RSF1: variants seen among roughly 807,000 people sequenced by gnomAD.
The protein encoded by RSF1 is remodeling and spacing factor 1, also known as HBV pX-associated protein 8.
RSF1 carries 13 observed loss-of-function variants against 145.2 expected under a neutral mutation model. That is an observed-to-expected ratio of 0.09 (90% CI 0.06 to 0.14). The LOEUF (loss-of-function observed/expected upper bound fraction) is 0.14. RSF1 is among the 10% of genes least tolerant of loss of function. RSF1 has a pLI of 1.00. For missense variants in RSF1, 1,517 were observed against 1,718.2 expected (o/e 0.88, Z 2.07); for synonymous variants, 577 against 592.6 (o/e 0.97, Z 0.38).
At chr11:77,828,331 A>G in the RSF1 span, among the ~76,000 whole-genome samples, 1 of 152,120 alleles carries the variant, frequency 6.6e-6, no homozygotes, top group Non-Finnish European at 1.5e-5. Flanking sequence ...CATTTACAAT[A>G]GAATCAGAAA....
At chr11:77,721,735 AG>A (rs1255325780) in intron 5 of RSF1, among the ~76,000 whole-genome samples, 1 of 152,234 alleles carries the variant, frequency 6.6e-6, no homozygotes, top group Non-Finnish European at 1.5e-5. Context: ...GCTTTACAAA[AG>A]CAAGGATTTT....
rs1382951263 is a variant in RSF1 at position 77,806,325 on chromosome 11, A to T, written c.187+14203T>A. Among the ~76,000 whole-genome samples, 9 of 152,292 alleles carry T rather than the reference A, an allele frequency of 5.9e-5. No homozygotes were observed. In the South Asian group the frequency reaches 1.5e-3, roughly 25 times the overall value. On this transcript the variant is annotated intron_variant, in intron 1 of 15. Transcript: ENST00000308488. ...AAATTGAATTTTTAACTATACTCAG[A>T]GGATTCAAATAAAAAGTAATAAGCT...
chr11:77,764,756 A>G, intron 1 of RSF1, 67 bp from the exon 2 acceptor site: 4 of 1,009,280 alleles, frequency 4.0e-6, no homozygotes, highest in Non-Finnish European at 6.0e-6. Flanking sequence ...TTAAGATAAT[A>G]AAAAAATAAT....
At chr11:77,802,607 G>C (rs1590896055) in intron 1 of RSF1, among the ~76,000 whole-genome samples, 2 of 151,982 alleles carry the variant, frequency 1.3e-5, no homozygotes, top group South Asian at 2.1e-4. Context: ...GCAATGGCGC[G>C]ATCTCAGCCT....
At chr11:77,779,208 G>T (rs1048234153) in intron 1 of RSF1, among the ~76,000 whole-genome samples, 2 of 149,762 alleles carry the variant, frequency 1.3e-5, no homozygotes, top group African/African-American at 2.5e-5. Flanking sequence ...CCTCCCAAAG[G>T]CCATTTATTT....
chr11:77,661,694 C>T lies in RSF1; in HGVS notation c.*5223G>A, dbSNP rs1959235800. The T allele has an allele frequency of 6.6e-6, 1 of 151,624 alleles. No individual in the cohort carries two copies. Among genetic ancestry groups the T allele is most frequent in the Non-Finnish European group, 1.5e-5 (1 of 67,900 alleles). The allele number at this position is 151,624 out of a possible 1,614,324, so 9.4% of individuals were successfully genotyped here. A position where few individuals can be genotyped will look rare whatever the true frequency, so the allele number is the denominator to read the frequency against. On this transcript the variant is annotated 3_prime_UTR_variant, in exon 16 of 16. Transcript: ENST00000308488. ...TACATCCTATTTTAGGGTATTTTCCCACCTCCCATCCCTTAAAAGCTGTAC... is the reference window on the plus strand; with the variant it reads ...TACATCCTATTTTAGGGTATTTTCCTACCTCCCATCCCTTAAAAGCTGTAC...
chr11:77,765,315 AGTTTCCAAACTGTTT>A (rs1206287035), intron 1 of RSF1, among the ~76,000 whole-genome samples: 1 of 152,216 alleles, frequency 6.6e-6, no homozygotes, highest in African/African-American at 2.4e-5. Context: ...TTAAACTAAC[AGTTTCCAAACTGTTT>A]TGGAAAACTC....
intron 1 of RSF1, among the ~76,000 whole-genome samples, chr11:77,799,504 CAA>C (rs34602419): frequency 2.6e-4 from 21 of 82,224 alleles, no homozygotes; most frequent in Admixed American, 3.6e-4. Context: ...ACCCTGTCTC[CAA>C]AAAAAAAAAA....
intron 11 of RSF1, among the ~76,000 whole-genome samples, chr11:77,681,077 A>C (rs1330062035): frequency 1.3e-5 from 2 of 152,224 alleles, no homozygotes; most frequent in Admixed American, 6.5e-5. Flanking sequence ...TGATAATCTA[A>C]GTCATTTTTA....
chr11:77,868,234 T>C, the RSF1 span, among the ~76,000 whole-genome samples: 1 of 151,378 alleles, frequency 6.6e-6, no homozygotes, highest in Non-Finnish European at 1.5e-5. Context: ...TTTTTGTATG[T>C]TTAGTGGAGA....
At chr11:77,853,313 TAGGCTGTACAGG>T in the RSF1 span, among the ~76,000 whole-genome samples, 18 of 152,300 alleles carry the variant, frequency 1.2e-4, 1 homozygote, top group Admixed American at 1.1e-3. Flanking sequence ...CAGGTTTCCA[TAGGCTGTACAGG>T]AAGCATTGCT....
chr11:77,805,153 A>C (rs1023891076), intron 1 of RSF1, among the ~76,000 whole-genome samples: 4 of 152,286 alleles, frequency 2.6e-5, no homozygotes, highest in Admixed American at 6.5e-5. Context: ...AAATTACAAC[A>C]ACCTTTTTTT....
In RSF1 at chr11:77,708,011, A is replaced by G. The variant is rs553182934; in HGVS notation, c.734-5516T>C. On this transcript the variant is annotated intron_variant, in intron 5 of 15. Transcript: ENST00000308488. The stretch of plus-strand genomic sequence containing the variant: ...ACAACTAATTTTTATTTTTTGCTTT[A>G]CACTTTCCCAAGTTTTCTATAGTGA... Among the ~76,000 whole-genome samples, 19 of 152,324 alleles carry G rather than the reference A, an allele frequency of 1.2e-4. No individual in the cohort carries two copies. The Middle Eastern group carries it at 0.017, about 136-fold the overall frequency.
chr11:77,870,493 C>A, the RSF1 span, among the ~76,000 whole-genome samples: 1 of 151,742 alleles, frequency 6.6e-6, no homozygotes, highest in Middle Eastern at 3.4e-3. Context: ...CCCACCACCA[C>A]GCCTGGCTAA....
chr11:77,848,579 C>T, the RSF1 span, among the ~76,000 whole-genome samples: 4 of 152,084 alleles, frequency 2.6e-5, no homozygotes, highest in African/African-American at 4.8e-5. Flanking sequence ...AGGTTGGTCT[C>T]GAACGCCTGA....
chr11:77,715,128 A>G (rs1484064821), intron 5 of RSF1, among the ~76,000 whole-genome samples: 1 of 152,204 alleles, frequency 6.6e-6, no homozygotes, highest in African/African-American at 2.4e-5. Context: ...TATCTCTTAA[A>G]AAAAGTTCTT....
the RSF1 span, among the ~76,000 whole-genome samples, chr11:77,834,436 AT>A: frequency 9.1e-6 from 1 of 110,434 alleles, no homozygotes. Flanking sequence ...GAGAAAGTTG[AT>A]TTTGTTTTTT....
intron 9 of RSF1, among the ~76,000 whole-genome samples, chr11:77,688,655 T>C (rs1001083499): frequency 6.6e-6 from 1 of 152,148 alleles, no homozygotes; most frequent in Admixed American, 6.5e-5. Flanking sequence ...CTGGGTGTGG[T>C]GATGGGCACC....
At chr11:77,767,042 AGC>A (rs964542282) in intron 1 of RSF1, among the ~76,000 whole-genome samples, 2 of 152,192 alleles carry the variant, frequency 1.3e-5, no homozygotes, top group African/African-American at 4.8e-5. Flanking sequence ...CTGGATTCTC[AGC>A]TGCCCCACCT....
Sources: gnomAD v4.1 joint callset for allele counts (sites outside exome capture counted in the v4.1 genomes callset) on GRCh38, gnomAD v4.1.1 for gene constraint, MANE v1.5 for transcripts, NCBI Gene and HGNC (gene_info 2026-07-23, HGNC 2026-07-21) for gene names.